Variants in FANCC observed in about 807,000 individuals in gnomAD.
FANCC encodes the protein FA complementation group C.
FANCC carries 55 observed loss-of-function variants against 71.3 expected under a neutral mutation model. The ratio of observed to expected loss-of-function variants is 0.77; its 90% CI spans 0.62 to 0.97. The LOEUF (loss-of-function observed/expected upper bound fraction) is 0.97, where lower values mean the gene tolerates loss of function less well. Among genes scored for constraint, FANCC ranks in the 50% least tolerant of loss-of-function variants. The probability of loss-of-function intolerance (pLI) is 0.00; values close to 1 mark genes in which losing one functional copy is unlikely to be tolerated. For missense variants in FANCC, 678 were observed against 670.9 expected (o/e 1.01, Z -0.12); for synonymous variants, 275 against 244.9 (o/e 1.12, Z -1.15).
intron 14 of FANCC, among the ~76,000 whole-genome samples, chr9:95,105,857 G>A (rs899844448): frequency 3.9e-5 from 6 of 152,318 alleles, no homozygotes; most frequent in Admixed American, 6.5e-5. Flanking sequence ...CAGATCACAC[G>A]GTGCATTGCT....
chr9:95,258,042 TAATTAATAGCCTAC>T (rs1449472838), intron 1 of FANCC, among the ~76,000 whole-genome samples: 1 of 152,202 alleles, frequency 6.6e-6, no homozygotes, highest in Admixed American at 6.5e-5. Context: ...ATTGAGGCAG[TAATTAATAGCCTAC>T]CAACCAAAAA....
In FANCC at chr9:95,222,230, C is replaced by A. The variant is rs539966813; in HGVS notation, c.345+18419G>T. On this transcript the variant is annotated intron_variant, in intron 4 of 14. Transcript: ENST00000289081. ...CTCATAGCCAAAAACTAGAAACAATCCAAATTGCTATCAACAAATGAACAG... is the reference window on the plus strand; with the variant it reads ...CTCATAGCCAAAAACTAGAAACAATACAAATTGCTATCAACAAATGAACAG... 2.0e-5 allele frequency among the ~76,000 whole-genome samples: 3 copies of A among 150,004 alleles called. No homozygotes were observed. In the East Asian group the frequency reaches 5.9e-4, roughly 29 times the overall value.
chr9:95,106,668 T>G (rs995991061), intron 14 of FANCC, among the ~76,000 whole-genome samples: 1 of 152,220 alleles, frequency 6.6e-6, no homozygotes, highest in African/African-American at 2.4e-5. Context: ...TTCTTTGCAC[T>G]GTTGCAGTGA....
chr9:95,125,031 C>T, intron 10 of FANCC, 55 bp downstream of exon 10: 1 of 1,473,248 alleles, frequency 6.8e-7, no homozygotes, highest in South Asian at 1.1e-5. Flanking sequence ...CCAAAATACT[C>T]TCAACAGCGT....
At chr9:95,277,293 C>A (rs1395386293) in intron 1 of FANCC, among the ~76,000 whole-genome samples, 1 of 152,172 alleles carries the variant, frequency 6.6e-6, no homozygotes, top group Non-Finnish European at 1.5e-5. Flanking sequence ...TAGTGAGCTG[C>A]ACCTTTTTTC....
chr9:95,182,938 T>TG (rs1216809895), intron 4 of FANCC, among the ~76,000 whole-genome samples: 1 of 152,036 alleles, frequency 6.6e-6, no homozygotes, highest in Non-Finnish European at 1.5e-5. Context: ...AAACCTCTCC[T>TG]GTCACCCCCT....
chr9:95,171,942 C>A, intron 5 of FANCC, 95 bp downstream of exon 5: 1 of 797,914 alleles, frequency 1.3e-6, no homozygotes. Flanking sequence ...AGTTAAACAT[C>A]TCTTCTGGAG....
At chr9:95,111,827 G>A (rs931578264) in intron 12 of FANCC, among the ~76,000 whole-genome samples, 190 bp from the exon 13 acceptor site, 3 of 152,210 alleles carry the variant, frequency 2.0e-5, no homozygotes, top group African/African-American at 4.8e-5. Context: ...ACAGGACATC[G>A]AAAGAGTGCC....
intron 4 of FANCC, among the ~76,000 whole-genome samples, chr9:95,186,132 G>A (rs902695236): frequency 6.6e-6 from 1 of 152,094 alleles, no homozygotes; most frequent in African/African-American, 2.4e-5. Flanking sequence ...CTGTGGGTGG[G>A]GCCCTAGAAT....
chr9:95,228,845 G>A (rs1588315867), intron 4 of FANCC, among the ~76,000 whole-genome samples: 1 of 152,146 alleles, frequency 6.6e-6, no homozygotes, highest in Non-Finnish European at 1.5e-5. Flanking sequence ...GGGGAATAGT[G>A]AGGAGGCCAC....
rs933327183 is a variant in FANCC, at chr9:95,108,526, T to A, written c.1330-1257A>T. On this transcript the variant is annotated intron_variant, in intron 13 of 14. Transcript: ENST00000289081. The stretch of plus-strand genomic sequence containing the variant: ...CTTCCTTTATGTCTGGCCCAGACTG[T>A]CTTTCCCTTCAGAGGCCGTCCATGC... Among the ~76,000 whole-genome samples the A allele has an allele frequency of 7.9e-5, 12 of 152,266 alleles. No homozygotes were observed. In the South Asian group the frequency reaches 2.5e-3, roughly 31 times the overall value.
intron 12 of FANCC, chr9:95,114,418 A>G (rs1485714392): frequency 2.8e-5 from 18 of 647,004 alleles, no homozygotes; most frequent in Non-Finnish European, 4.8e-5. Context: ...TGGCACATGC[A>G]TACATGCGCA....
chr9:95,237,411 C>T (rs1203654664), intron 4 of FANCC, among the ~76,000 whole-genome samples: 2 of 152,198 alleles, frequency 1.3e-5, no homozygotes, highest in African/African-American at 4.8e-5. Context: ...CAATCTGGAG[C>T]AATCTGGCTG....
chr9:95,292,812 C>G, intron 1 of FANCC: 1 of 1,575,812 alleles, frequency 6.3e-7, no homozygotes, highest in Non-Finnish European at 8.7e-7. Flanking sequence ...TATGAAAATC[C>G]ATGCTGAGAA....
chr9:95,241,841 G>C (rs1236599659), intron 3 of FANCC, among the ~76,000 whole-genome samples: 2 of 151,944 alleles, frequency 1.3e-5, no homozygotes, highest in African/African-American at 4.8e-5. Flanking sequence ...TGTATTTTTT[G>C]TAGAGACTGG....
intron 4 of FANCC, among the ~76,000 whole-genome samples, chr9:95,209,356 A>C (rs544662052): frequency 6.6e-6 from 1 of 152,300 alleles, no homozygotes; most frequent in Non-Finnish European, 1.5e-5. Context: ...ACCCAGAGTG[A>C]GCCCTAATGT....
Position 95,313,678 on chromosome 9 carries a change from A to G in FANCC, c.-79+3848T>C, listed in dbSNP as rs558667213. Among the ~76,000 whole-genome samples, 4 of 152,330 alleles carry G rather than the reference A, an allele frequency of 2.6e-5. No individual in the cohort carries two copies. In the South Asian group the frequency reaches 8.3e-4, roughly 32 times the overall value. On this transcript the variant is annotated intron_variant, in intron 1 of 14. Transcript: ENST00000289081. ...AGACATCACAAGACAAAATATTACT[A>G]ATATTACCATGAACATAATACAAAA...
chr9:95,183,660 C>A (rs181946883), intron 4 of FANCC, among the ~76,000 whole-genome samples: 1 of 152,302 alleles, frequency 6.6e-6, no homozygotes, highest in East Asian at 1.9e-4. Context: ...CCAGAACCTG[C>A]ACACCAATGA....
intron 1 of FANCC, among the ~76,000 whole-genome samples, chr9:95,306,648 A>G (rs4647365): frequency 2.0e-5 from 3 of 152,264 alleles, no homozygotes; most frequent in Admixed American, 6.5e-5. Flanking sequence ...TTTCTGCTAA[A>G]ATCAGTTGGG....
Sources: gnomAD v4.1 joint callset for allele counts (sites outside exome capture counted in the v4.1 genomes callset) on GRCh38, gnomAD v4.1.1 for gene constraint, MANE v1.5 for transcripts, NCBI Gene and HGNC (gene_info 2026-07-23, HGNC 2026-07-21) for gene names.